HIGD1A: variants seen among roughly 807,000 people sequenced by gnomAD.
HIGD1A encodes HIG1 hypoxia inducible domain family member 1A.
HIGD1A carries 8 observed loss-of-function variants against 11.3 expected under a neutral mutation model. That is an observed-to-expected ratio of 0.71 (90% CI 0.42 to 1.28). HIGD1A has a LOEUF of 1.28. Among genes scored for constraint, HIGD1A ranks in the 50% most tolerant of loss-of-function variants. HIGD1A has a pLI of 0.01. For missense variants in HIGD1A, 107 were observed against 118.8 expected (o/e 0.90, Z 0.46); for synonymous variants, 32 against 38.4 (o/e 0.83, Z 0.62).
At chr3:42,795,464 C>T (rs190845164) in intron 1 of HIGD1A, among the ~76,000 whole-genome samples, 9 of 152,214 alleles carry the variant, frequency 5.9e-5, no homozygotes, top group African/African-American at 2.2e-4. Flanking sequence ...TCAGGTGATC[C>T]ACCTGCCTCC....
At chr3:42,795,578 T>C (rs556201950) in intron 1 of HIGD1A, among the ~76,000 whole-genome samples, 1 of 152,284 alleles carries the variant, frequency 6.6e-6, no homozygotes, top group South Asian at 2.1e-4. Flanking sequence ...GTCTTCTTAA[T>C]ATCTTCTAAG....
At chr3:42,799,877 G>A (rs977448874) in intron 1 of HIGD1A, among the ~76,000 whole-genome samples, 8 of 152,338 alleles carry the variant, frequency 5.3e-5, no homozygotes, top group Middle Eastern at 3.4e-3. Context: ...TGAATTTAGA[G>A]AGAGTGATGT....
At chr3:42,801,069 T>C (rs1700553625) in intron 1 of HIGD1A, among the ~76,000 whole-genome samples, 1 of 152,244 alleles carries the variant, frequency 6.6e-6, no homozygotes, top group African/African-American at 2.4e-5. Flanking sequence ...TTTTTATGAC[T>C]CTGTCCCTAC....
intron 1 of HIGD1A, among the ~76,000 whole-genome samples, chr3:42,794,860 G>T (rs1259179792): frequency 6.6e-6 from 1 of 152,074 alleles, no homozygotes; most frequent in African/African-American, 2.4e-5. Flanking sequence ...CTGGGGAAAA[G>T]ATTATTCTGA....
intron 1 of HIGD1A, among the ~76,000 whole-genome samples, chr3:42,800,351 GAAAA>G (rs1700540912): frequency 1.3e-5 from 2 of 149,616 alleles, no homozygotes; most frequent in East Asian, 3.9e-4. Flanking sequence ...AAAAGAAAAA[GAAAA>G]AGAAAAAGAA....
intron 2 of HIGD1A, among the ~76,000 whole-genome samples, chr3:42,791,775 A>T (rs910178377): frequency 9.6e-6 from 1 of 104,066 alleles, no homozygotes; most frequent in Non-Finnish European, 2.3e-5. Context: ...TCCTTTTGAA[A>T]TGTCTTTCTG....
At chr3:42,793,017 T>C (rs1371440770) in intron 2 of HIGD1A, among the ~76,000 whole-genome samples, 1 of 148,790 alleles carries the variant, frequency 6.7e-6, no homozygotes, top group African/African-American at 2.5e-5. Flanking sequence ...TCGAATAACA[T>C]AGTTAAAAAC....
intron 1 of HIGD1A, 155 bp from the exon 2 acceptor site, chr3:42,794,430 T>C: frequency 1.4e-6 from 1 of 714,238 alleles, no homozygotes; most frequent in Non-Finnish European, 2.1e-6. Flanking sequence ...ATTAACTGTA[T>C]TTTTAATGTA....
chr3:42,784,085 A>C lies in HIGD1A; in HGVS notation c.*1186T>G. Among the ~76,000 whole-genome samples, 1 of 152,056 alleles carries C rather than the reference A, an allele frequency of 6.6e-6. No homozygotes were observed. The highest frequency in any genetic ancestry group is 1.9e-4 in the East Asian group (1 of 5,200). ...AGAATAACTCCGTCTCAAAAAAAAA[A>C]AAAAAAAATTTATATGGATAATCAA... On this transcript the variant is annotated 3_prime_UTR_variant, in exon 4 of 4. Coordinates refer to ENST00000321331, the MANE Select transcript of HIGD1A (RefSeq NM_014056.4).
At chr3:42,799,879 G>C (rs1031743072) in intron 1 of HIGD1A, among the ~76,000 whole-genome samples, 4 of 152,210 alleles carry the variant, frequency 2.6e-5, no homozygotes, top group Non-Finnish European at 5.9e-5. Context: ...AATTTAGAGA[G>C]AGTGATGTAT....
chr3:42,791,950 A>G (rs973301493), intron 2 of HIGD1A, among the ~76,000 whole-genome samples: 122 of 152,380 alleles, frequency 8.0e-4, no homozygotes, highest in African/African-American at 2.8e-3. Flanking sequence ...TATATCTACA[A>G]AATTAATGAT....
chr3:42,799,441 C>T (rs1286574023), intron 1 of HIGD1A, among the ~76,000 whole-genome samples: 3 of 152,124 alleles, frequency 2.0e-5, no homozygotes, highest in Non-Finnish European at 4.4e-5. Flanking sequence ...TAGGAAAGGG[C>T]TGTTACCATC....
intron 2 of HIGD1A, among the ~76,000 whole-genome samples, chr3:42,786,604 T>C (rs1700354841): frequency 6.6e-6 from 1 of 152,062 alleles, no homozygotes; most frequent in Non-Finnish European, 1.5e-5. Context: ...CCTGAATATT[T>C]CAAACTTTGG....
chr3:42,804,185 G>A (rs982940354), intron 1 of HIGD1A: 1 of 1,610,540 alleles, frequency 6.2e-7, no homozygotes, highest in African/African-American at 1.3e-5. Flanking sequence ...ACAAGCTTCT[G>A]CTCCATCTCC....
At chr3:42,785,423 G>A in intron 3 of HIGD1A, 103 bp from the exon 4 acceptor site, 4 of 863,942 alleles carry the variant, frequency 4.6e-6, no homozygotes, top group Non-Finnish European at 7.7e-6. Flanking sequence ...CTGCTAGCAT[G>A]GAATATTTAC....
rs1700308541 is a variant in HIGD1A at position 42,783,632 on chromosome 3, A to G, written c.*1639T>C. On this transcript the variant is annotated 3_prime_UTR_variant, in exon 4 of 4. Transcript: ENST00000321331. ...TCTGTCTCAAAATAAACAAACAAAC[A>G]AACAAACAAACAGTATAAGAGTAAA... 6.6e-6 allele frequency among the ~76,000 whole-genome samples: 1 copy of G among 152,162 alleles called. No homozygotes were observed. Among genetic ancestry groups the G allele is most frequent in the African/African-American group, 2.4e-5 (1 of 41,432 alleles).
chr3:42,800,205 T>C (rs1249183063), intron 1 of HIGD1A, among the ~76,000 whole-genome samples: 1 of 152,062 alleles, frequency 6.6e-6, no homozygotes, highest in Non-Finnish European at 1.5e-5. Flanking sequence ...TGTGCATGCC[T>C]GAAATCCCAG....
chr3:42,796,303 C>T (rs1700497579), intron 1 of HIGD1A, among the ~76,000 whole-genome samples: 1 of 152,090 alleles, frequency 6.6e-6, no homozygotes, highest in South Asian at 2.1e-4. Flanking sequence ...TACTTCTTAA[C>T]TGAATAAACT....
At chr3:42,795,690 A>T (rs1700487222) in intron 1 of HIGD1A, among the ~76,000 whole-genome samples, 1 of 151,726 alleles carries the variant, frequency 6.6e-6, no homozygotes. Flanking sequence ...CAAAGGCAAG[A>T]TCTAGCCTGA....
Sources: gnomAD v4.1 joint callset for allele counts (sites outside exome capture counted in the v4.1 genomes callset) on GRCh38, gnomAD v4.1.1 for gene constraint, MANE v1.5 for transcripts, NCBI Gene and HGNC (gene_info 2026-07-23, HGNC 2026-07-21) for gene names.